DCBLD1: variants seen among roughly 807,000 people sequenced by gnomAD.
DCBLD1 encodes the protein discoidin, CUB and LCCL domain containing 1.
In DCBLD1, 57 loss-of-function variants were observed where a neutral mutation model predicts 71.5. That is an observed-to-expected ratio of 0.80 (90% CI 0.64 to 0.99). The LOEUF is 0.99. Ranked by LOEUF, DCBLD1 falls within the 50% of genes least tolerant of loss-of-function variation. DCBLD1 has a pLI of 0.00. For missense variants in DCBLD1, 891 were observed against 923.5 expected (o/e 0.96, Z 0.46); for synonymous variants, 380 against 363.8 (o/e 1.04, Z -0.51).
At chr6:117,483,386 G>T (rs1776973703) in intron 1 of DCBLD1, among the ~76,000 whole-genome samples, 1 of 152,228 alleles carries the variant, frequency 6.6e-6, no homozygotes, top group African/African-American at 2.4e-5. Context: ...ATCCCGGCGT[G>T]TGCGTTCGGG....
At chr6:117,521,312 A>G (rs1277915793) in intron 3 of DCBLD1, among the ~76,000 whole-genome samples, 3 of 152,186 alleles carry the variant, frequency 2.0e-5, no homozygotes, top group Non-Finnish European at 4.4e-5. Context: ...GTGTTGAAAA[A>G]CTGTCATTGG....
chr6:117,537,696 G>C (rs1200417856), intron 7 of DCBLD1, among the ~76,000 whole-genome samples: 2 of 112,210 alleles, frequency 1.8e-5, no homozygotes, highest in Non-Finnish European at 3.4e-5. Flanking sequence ...TTTTTAAGGA[G>C]GCAGAGTCTC....
rs147464451 is a variant in DCBLD1, at chr6:117,540,809, A to G, written c.1243A>G (p.Thr415Ala). 37 of 1,614,228 alleles carry G rather than the reference A, an allele frequency of 2.3e-5. No homozygotes were observed. The African/African-American group carries it at 4.4e-4, about 19-fold the overall frequency. Residue 415 changes from threonine to alanine, a missense_variant, in exon 10 of 15, where the codon ACA becomes GCA. Thr to Ala is a moderately conservative substitution (Grantham distance 58). Transcript: ENST00000338728. ...LKVELIGCQI[T>A]QGNDSLVWRK... The stretch of plus-strand genomic sequence containing the variant: ...GGTGGAGCTCATTGGTTGCCAGATT[A>G]CACAAGGTAGGGCTCAGGGCAAGCC...
At position 117,549,608 on chromosome 6, in the gene DCBLD1, TGAA is replaced by T. The variant is rs1779389705; in HGVS notation, c.*1173_*1175del. 1 of 985,318 alleles carries T rather than the reference TGAA, an allele frequency of 1.0e-6. No homozygotes were observed. Among genetic ancestry groups the T allele is most frequent in the Non-Finnish European group, 1.2e-6 (1 of 829,942 alleles). 61.0% of individuals were successfully genotyped at this position (985,318 alleles called of 1,614,324 possible). On this transcript the variant is annotated 3_prime_UTR_variant, in exon 15 of 15. Transcript: ENST00000338728. ...AATATGGACCAAAAATTTTTTTCCC[TGAA>T]GAATGTATTATAACCCTATTTGTGT...
intron 1 of DCBLD1, among the ~76,000 whole-genome samples, chr6:117,484,327 A>C (rs1777010917): frequency 1.3e-5 from 2 of 152,114 alleles, no homozygotes; most frequent in Non-Finnish European, 2.9e-5. Context: ...GTGATTGCTT[A>C]GATTCTTTTT....
chr6:117,488,242 T>A (rs1393507471), intron 1 of DCBLD1, among the ~76,000 whole-genome samples: 2 of 152,162 alleles, frequency 1.3e-5, no homozygotes, highest in African/African-American at 2.4e-5. Context: ...ATGAATGCTG[T>A]GGTTGAGGTT....
intron 12 of DCBLD1, 128 bp from the exon 13 acceptor site, chr6:117,544,400 C>T: frequency 1.4e-6 from 1 of 721,442 alleles, no homozygotes; most frequent in Non-Finnish European, 2.1e-6. Flanking sequence ...CACATGGCAG[C>T]TGCCATCTCA....
chr6:117,548,004 C>G lies in DCBLD1; in HGVS notation c.1713C>G (p.Ser571Arg), dbSNP rs1779328001. 1.9e-6 allele frequency: 3 copies of G among 1,550,470 alleles called. No homozygotes were observed. Among genetic ancestry groups the G allele is most frequent in the Non-Finnish European group, 2.6e-6 (3 of 1,146,914 alleles). Residue 571 changes from serine (S) to arginine (R), a missense_variant, in exon 15 of 15, where the codon AGC (serine) becomes AGG (arginine). Ser to Arg is a moderately radical substitution (Grantham distance 110). Coordinates refer to ENST00000338728, the MANE Select transcript of DCBLD1 (RefSeq NM_001366458.2). ...CGGATGCCGAGGAGGCAGGGGTGAG[C>G]ACCGATGCCGGCGGCCACTATGACT... is the stretch of plus-strand genomic sequence containing the variant. ...MDTDAEEAGV[S>R]TDAGGHYDCP...
chr6:117,532,267 T>C lies in DCBLD1; in HGVS notation c.593T>C (p.Leu198Ser), dbSNP rs772484448. 1.2e-6 allele frequency: 2 copies of C among 1,605,406 alleles called. No homozygotes were observed. The highest frequency in any genetic ancestry group is 3.5e-5 in the Admixed American group (2 of 57,322). Reference protein sequence around the residue: ...NMVDGYRDTSLLCKAAIHAGI... With the variant: ...NMVDGYRDTSSLCKAAIHAGI... Reference sequence around the variant, plus strand: ...GATGTTGCTGTGTTTCAGACCTCTTTATTGTGCAAAGCTGCCATCCATGCA... The same window carrying C: ...GATGTTGCTGTGTTTCAGACCTCTTCATTGTGCAAAGCTGCCATCCATGCA... Residue 198 changes from leucine to serine, a missense_variant, in exon 6 of 15, where the codon TTA (leucine) becomes TCA (serine). Transcript: ENST00000338728.
intron 5 of DCBLD1, among the ~76,000 whole-genome samples, chr6:117,529,708 C>T (rs1025185768): frequency 2.0e-5 from 3 of 152,006 alleles, no homozygotes; most frequent in Non-Finnish European, 4.4e-5. Context: ...CTGGAAAATG[C>T]TGGTAATTTT....
At chr6:117,540,204 G>A (rs1338919236) in intron 9 of DCBLD1, 1 of 153,384 alleles carries the variant, frequency 6.5e-6, no homozygotes, top group African/African-American at 2.4e-5. Context: ...TGAAATACTT[G>A]TGATTTTCTT....
chr6:117,538,378 C>T (rs1778971262), intron 7 of DCBLD1, among the ~76,000 whole-genome samples: 1 of 152,122 alleles, frequency 6.6e-6, no homozygotes, highest in African/African-American at 2.4e-5. Flanking sequence ...AGAGGTGTCA[C>T]TTATAAAGGA....
At chr6:117,544,630 A>G in intron 13 of DCBLD1, 53 bp downstream of exon 13, 1 of 1,600,182 alleles carries the variant, frequency 6.2e-7, no homozygotes, top group East Asian at 2.2e-5. Flanking sequence ...AAGGGACAGG[A>G]TCTGCTGATT....
At chr6:117,532,733 CCAATGTTAT>C (rs2114525173) in intron 6 of DCBLD1, among the ~76,000 whole-genome samples, 1 of 152,234 alleles carries the variant, frequency 6.6e-6, no homozygotes, top group East Asian at 1.9e-4. Flanking sequence ...CTGGTTGTCT[CCAATGTTAT>C]CATCATCTGA....
At chr6:117,489,723 A>G (rs1421399783) in intron 1 of DCBLD1, among the ~76,000 whole-genome samples, 5 of 152,148 alleles carry the variant, frequency 3.3e-5, no homozygotes. Flanking sequence ...GTCTCTACTA[A>G]AAATACAAAA....
chr6:117,482,793 C>T lies in DCBLD1; in HGVS notation c.12C>T (p.Gly4=). The T allele has an allele frequency of 8.7e-7, 1 of 1,144,998 alleles. No homozygotes were observed. 70.9% of individuals were successfully genotyped at this position (1,144,998 alleles called of 1,614,324 possible). The change falls in exon 1 of 15, where the codon GGC becomes GGT. Residue 4 remains glycine, a synonymous_variant. Transcript: ENST00000338728. ...CGCCCAGCGGGGTCATGGTGCCCGG[C>T]GCCCGCGGCGGCGGCGCACTGGCGC... MVP[G]ARGGGALARA...
chr6:117,549,041 T>G lies in DCBLD1; in HGVS notation c.*602T>G, dbSNP rs187877134. On this transcript the variant is annotated 3_prime_UTR_variant, in exon 15 of 15. Coordinates refer to ENST00000338728, the MANE Select transcript of DCBLD1 (RefSeq NM_001366458.2). ...AGCATGAAAAGCACACCAGGGTGGT[T>G]GTTTATTTAGCAATTATGACTGTAG... The G allele has an allele frequency of 1.4e-5, 14 of 986,350 alleles. No individual in the cohort carries two copies. The East Asian group carries it at 1.4e-3, about 96-fold the overall frequency. 61.1% of individuals were successfully genotyped at this position (986,350 alleles called of 1,614,324 possible). A position where few individuals can be genotyped will look rare whatever the true frequency, so the allele number is the denominator to read the frequency against.
Position 117,487,083 on chromosome 6 carries a change from G to A in DCBLD1, c.112+4190G>A, listed in dbSNP as rs147700556. ...CATACACGGAAAAATTGTCCTTCAC[G>A]AAACCCGTCCCTGTTGCCAAAAAGG... On this transcript the variant is annotated intron_variant, in intron 1 of 14. Transcript: ENST00000338728. 5.9e-5 allele frequency among the ~76,000 whole-genome samples: 9 copies of A among 152,128 alleles called. No homozygotes were observed. The East Asian group carries it at 1.5e-3, about 26-fold the overall frequency.
intron 14 of DCBLD1, 151 bp from the exon 15 acceptor site, chr6:117,547,756 C>T: frequency 6.6e-7 from 1 of 1,520,598 alleles, no homozygotes; most frequent in South Asian, 1.2e-5. Context: ...CTGTGGCTTT[C>T]ACATCAGGGT....
Sources: gnomAD v4.1 joint callset for allele counts (sites outside exome capture counted in the v4.1 genomes callset) on GRCh38, gnomAD v4.1.1 for gene constraint, MANE v1.5 for transcripts, NCBI Gene and HGNC (gene_info 2026-07-23, HGNC 2026-07-21) for gene names.